The following GPR55 variants were observed in gnomAD, a reference collection of about 807,000 sequenced individuals.
GPR55 encodes G-protein coupled receptor 55.
In GPR55, 6 loss-of-function variants were observed where a neutral mutation model predicts 7.9. The observed-to-expected ratio is 0.76, with a 90% CI of 0.41 to 1.49. GPR55 has a LOEUF of 1.49. Among genes scored for constraint, GPR55 ranks in the 40% most tolerant of loss-of-function variants. The probability of loss-of-function intolerance (pLI) is 0.01; values close to 1 mark genes in which losing one functional copy is unlikely to be tolerated. For missense variants in GPR55, 376 were observed against 406.0 expected, an observed-to-expected ratio of 0.93 and a Z score of 0.63; for synonymous variants, 183 against 166.8, an observed-to-expected ratio of 1.10 and a Z score of -0.75.
chr2:230,939,045 C>A (rs979389150), intron 1 of GPR55, among the ~76,000 whole-genome samples: 2 of 152,194 alleles, frequency 1.3e-5, no homozygotes, highest in Non-Finnish European at 2.9e-5. Flanking sequence ...GGCCAGTTCT[C>A]GAGATGGAGA....
At chr2:230,959,617 G>T (rs74938947) in intron 1 of GPR55, among the ~76,000 whole-genome samples, 8,390 of 152,130 alleles carry the variant, frequency 0.055, 697 homozygotes, top group East Asian at 0.42. Context: ...AGATGCATTT[G>T]ACTTCGAAAG....
intron 1 of GPR55, among the ~76,000 whole-genome samples, chr2:230,919,361 G>A (rs181378907): frequency 2.6e-5 from 4 of 152,136 alleles, no homozygotes; most frequent in Non-Finnish European, 4.4e-5. Context: ...TAATGTACTC[G>A]AAGAAACAAA....
chr2:230,947,942 G>A (rs142493550), intron 1 of GPR55, among the ~76,000 whole-genome samples: 60 of 152,146 alleles, frequency 3.9e-4, no homozygotes, highest in African/African-American at 1.3e-3. Flanking sequence ...GCAGAAACTC[G>A]GCATCCCGCC....
intron 1 of GPR55, among the ~76,000 whole-genome samples, chr2:230,922,773 C>G (rs1319506231): frequency 1.3e-5 from 2 of 152,136 alleles, no homozygotes; most frequent in African/African-American, 4.8e-5. Flanking sequence ...CAGCGTTTCT[C>G]TATGTTGGTC....
At chr2:230,929,091 C>T (rs1183205562), upstream of GPR55, among the ~76,000 whole-genome samples, 1 of 152,102 alleles carries the variant, frequency 6.6e-6, no homozygotes, top group Non-Finnish European at 1.5e-5. Context: ...TGGACTCAAG[C>T]GATCCCCCAC....
intron 1 of GPR55, among the ~76,000 whole-genome samples, chr2:230,912,015 A>G (rs1690603810): frequency 6.6e-6 from 1 of 152,154 alleles, no homozygotes; most frequent in African/African-American, 2.4e-5. Context: ...GGACTCAAAT[A>G]CGACCCAACT....
At chr2:230,938,094 C>G (rs1691161191) in intron 1 of GPR55, among the ~76,000 whole-genome samples, 1 of 144,680 alleles carries the variant, frequency 6.9e-6, no homozygotes, top group South Asian at 2.2e-4. Context: ...CTGCAGTGAG[C>G]CGTGATCGCA....
intron 1 of GPR55, among the ~76,000 whole-genome samples, chr2:230,911,365 G>T (rs1223781823): frequency 6.6e-6 from 1 of 152,196 alleles, no homozygotes; most frequent in Non-Finnish European, 1.5e-5. Context: ...GAAAACTAGG[G>T]TAGGGCTGAC....
intron 1 of GPR55, among the ~76,000 whole-genome samples, chr2:230,932,076 G>A (rs891155629): frequency 2.0e-5 from 3 of 152,112 alleles, no homozygotes; most frequent in South Asian, 2.1e-4. Context: ...AAAAATCTCG[G>A]TTCTGAGGCG....
intron 1 of GPR55, among the ~76,000 whole-genome samples, chr2:230,938,373 G>A (rs1574631267): frequency 7.4e-6 from 1 of 134,618 alleles, no homozygotes; most frequent in African/African-American, 2.9e-5. Context: ...TACAATCAAA[G>A]TTCTCTTTCT....
rs1274915988 is a variant in GPR55, at chr2:230,923,662, G to A, written c.-135+1506C>T. On this transcript the variant is annotated intron_variant, in intron 1 of 1. Transcript: ENST00000650999. The surrounding 1 kb of genome is among the most constrained non-coding windows in gnomAD (Gnocchi z 4.1). ...GGCTTGGGGACGTGAAAGGTGGCCA[G>A]CAGTGTGCTCAGTGATCTACGATGG... Among the ~76,000 whole-genome samples the A allele has an allele frequency of 6.6e-6, 1 of 152,172 alleles. No individual in the cohort carries two copies. Among genetic ancestry groups the A allele is most frequent in the East Asian group, 1.9e-4 (1 of 5,182 alleles).
At chr2:230,945,129 A>G (rs2125067518) in intron 1 of GPR55, among the ~76,000 whole-genome samples, 1 of 152,326 alleles carries the variant, frequency 6.6e-6, no homozygotes, top group Non-Finnish European at 1.5e-5. Context: ...CAAAGCAGAT[A>G]GAAGACTACA....
chr2:230,946,933 C>G (rs1691327405), intron 1 of GPR55, among the ~76,000 whole-genome samples: 2 of 152,202 alleles, frequency 1.3e-5, no homozygotes, highest in Admixed American at 6.5e-5. Context: ...AGCAGAACAT[C>G]TTAATCACAT....
chr2:230,927,563 C>A (rs1286902443), upstream of GPR55, among the ~76,000 whole-genome samples: 1 of 152,216 alleles, frequency 6.6e-6, no homozygotes, highest in Non-Finnish European at 1.5e-5. Flanking sequence ...CCTAGTCCTG[C>A]CCACCCTCTC....
intron 1 of GPR55, among the ~76,000 whole-genome samples, chr2:230,913,294 G>A (rs547284257): frequency 9.1e-4 from 138 of 152,134 alleles, no homozygotes; most frequent in African/African-American, 3.1e-3. Context: ...ATCACTATTG[G>A]GCGCCCGTGG....
Position 230,910,824 on chromosome 2 carries a change from T to G in GPR55, c.139A>C (p.Thr47Pro). 2.5e-6 allele frequency: 4 copies of G among 1,614,122 alleles called. No homozygotes were observed. Among genetic ancestry groups the G allele is most frequent in the Non-Finnish European group, 3.4e-6 (4 of 1,180,002 alleles). Residue 47 changes from threonine to proline, a missense_variant, in exon 2 of 2, where the codon ACC becomes CCC. Transcript: ENST00000650999. This position sits in a 1 kb window ranked among gnomAD's most constrained non-coding sequence, Gnocchi z 5.4. ...LNLLAIHGFS[T>P]FLKNRWPDYA... ...TCGGGCCACCTGTTCTTAAGGAAGGTGCTGAAGCCATGGATGGCCAGCAGG... is the reference window on the plus strand; with the variant it reads ...TCGGGCCACCTGTTCTTAAGGAAGGGGCTGAAGCCATGGATGGCCAGCAGG...
chr2:230,930,054 C>T (rs976552565), upstream of GPR55: 4 of 152,376 alleles, frequency 2.6e-5, no homozygotes, highest in Admixed American at 1.3e-4. Context: ...AGCCAGGACC[C>T]CCCCGCCTCC....
At chr2:230,931,528 C>T (rs1277089106) in intron 1 of GPR55, among the ~76,000 whole-genome samples, 3 of 152,140 alleles carry the variant, frequency 2.0e-5, no homozygotes, top group Non-Finnish European at 4.4e-5. Flanking sequence ...TGAGGCAGGA[C>T]CCACAGGCAC....
At chr2:230,936,353 C>A (rs1008005732) in intron 1 of GPR55, among the ~76,000 whole-genome samples, 1 of 152,094 alleles carries the variant, frequency 6.6e-6, no homozygotes, top group Non-Finnish European at 1.5e-5. Flanking sequence ...ATCATGGGGG[C>A]GGTTACCCTC....
Sources: gnomAD v4.1 joint callset for allele counts (sites outside exome capture counted in the v4.1 genomes callset) on GRCh38, gnomAD v4.1.1 for gene constraint, Gnocchi (gnomAD v3.1) non-coding constraint, MANE v1.5 for transcripts, NCBI Gene and HGNC (gene_info 2026-07-23, HGNC 2026-07-21) for gene names.